SLC25A26: variants seen among roughly 807,000 people sequenced by gnomAD.
SLC25A26 encodes mitochondrial S-adenosylmethionine carrier protein.
A neutral mutation model predicts 37.8 loss-of-function variants in SLC25A26; 36 were observed. That is an observed-to-expected ratio of 0.95 (90% CI 0.73 to 1.26). SLC25A26 has a LOEUF of 1.26. SLC25A26 is among the 50% of genes most tolerant of loss of function. The pLI is 0.00. For synonymous variants in SLC25A26, 129 were observed against 122.5 expected, an observed-to-expected ratio of 1.05 and a Z score of -0.35; for missense variants, 390 against 331.1, an observed-to-expected ratio of 1.18 and a Z score of -1.38.
rs1326507597 is a variant in SLC25A26 at position 66,208,928 on chromosome 3, A to G, written c.-353-11814A>G. 2.4e-5 allele frequency among the ~76,000 whole-genome samples: 3 copies of G among 126,234 alleles called. No homozygotes were observed. In the East Asian group the frequency reaches 7.1e-4, roughly 30 times the overall value. The allele number at this position is 126,234 out of a possible 152,430, so 82.8% of individuals were successfully genotyped here. A position where few individuals can be genotyped will look rare whatever the true frequency, so the allele number is the denominator to read the frequency against. ...TATATATATAAATGTGTATATATAC[A>G]TACACATATATATACATTTATATAT... On this transcript the variant is annotated intron_variant, in intron 1 of 10. Coordinates refer to the SLC25A26 transcript ENST00000676754.
chr3:66,266,204 C>T (rs190049500), intron 5 of SLC25A26, among the ~76,000 whole-genome samples: 271 of 152,218 alleles, frequency 1.8e-3, no homozygotes, highest in Non-Finnish European at 3.3e-3. Context: ...TGCTTTTGTA[C>T]AGATTCTGTG....
chr3:66,279,837 C>G (rs962195130), intron 5 of SLC25A26, among the ~76,000 whole-genome samples: 5 of 152,096 alleles, frequency 3.3e-5, no homozygotes, highest in African/African-American at 9.7e-5. Context: ...GTAAGTCTTT[C>G]CTATTATCAG....
chr3:66,255,110 T>G (rs2073248997), intron 3 of SLC25A26, among the ~76,000 whole-genome samples: 1 of 152,180 alleles, frequency 6.6e-6, no homozygotes, highest in African/African-American at 2.4e-5. Context: ...CCCTTTCAAA[T>G]GTTTAGTTTT....
intron 1 of SLC25A26, among the ~76,000 whole-genome samples, chr3:66,181,468 TA>T (rs2070704749): frequency 6.6e-6 from 1 of 152,222 alleles, no homozygotes; most frequent in South Asian, 2.1e-4. Context: ...AACGGCACCC[TA>T]AAAAATGCTA....
intron 5 of SLC25A26, among the ~76,000 whole-genome samples, chr3:66,266,929 A>T (rs560604747): frequency 7.9e-5 from 12 of 152,338 alleles, no homozygotes; most frequent in African/African-American, 2.6e-4. Flanking sequence ...ATAGAGGAAG[A>T]AAGCAGAGTA....
At chr3:66,375,657 A>C (rs560701035) in intron 9 of SLC25A26, among the ~76,000 whole-genome samples, 23 of 152,292 alleles carry the variant, frequency 1.5e-4, no homozygotes, top group Admixed American at 2.6e-4. Flanking sequence ...GCTTTCTTGA[A>C]TATTTTAAGC....
At chr3:66,272,499 G>C (rs2073992446) in intron 5 of SLC25A26, among the ~76,000 whole-genome samples, 3 of 152,080 alleles carry the variant, frequency 2.0e-5, no homozygotes, top group Admixed American at 2.0e-4. Flanking sequence ...CAAGTGTAAG[G>C]AATCTGTGTT....
At chr3:66,182,236 C>T (rs2106761217) in intron 1 of SLC25A26, among the ~76,000 whole-genome samples, 1 of 152,262 alleles carries the variant, frequency 6.6e-6, no homozygotes, top group South Asian at 2.1e-4. Context: ...GTTTGTTGGG[C>T]TCTCCTAGGG....
intron 5 of SLC25A26, among the ~76,000 whole-genome samples, chr3:66,298,968 C>T (rs1483715573): frequency 2.6e-5 from 4 of 152,148 alleles, no homozygotes; most frequent in Non-Finnish European, 5.9e-5. Context: ...CATAAAAACT[C>T]ACTTGAAGGT....
intron 1 of SLC25A26, among the ~76,000 whole-genome samples, chr3:66,164,896 C>G (rs1331204125): frequency 6.6e-6 from 1 of 152,076 alleles, no homozygotes; most frequent in Non-Finnish European, 1.5e-5. Context: ...GTAATTATAA[C>G]GCAGTGGGAC....
At chr3:66,293,638 G>A (rs868816497) in intron 5 of SLC25A26, among the ~76,000 whole-genome samples, 4 of 152,164 alleles carry the variant, frequency 2.6e-5, no homozygotes, top group Middle Eastern at 6.8e-3. Context: ...AGAACATGTG[G>A]TATTTGGTTT....
intron 1 of SLC25A26, among the ~76,000 whole-genome samples, chr3:66,164,541 C>G (rs149004731): frequency 0.025 from 3,741 of 152,180 alleles, 160 homozygotes; most frequent in African/African-American, 0.085. Context: ...GGGATACCTT[C>G]CCATTCTTAA....
intron 1 of SLC25A26, among the ~76,000 whole-genome samples, chr3:66,163,241 T>C (rs938684751): frequency 3.3e-5 from 5 of 152,242 alleles, no homozygotes; most frequent in Non-Finnish European, 5.9e-5. Context: ...ACGTTCCATA[T>C]GCCACAATCT....
chr3:66,351,392 G>A (rs2076450421), intron 6 of SLC25A26, among the ~76,000 whole-genome samples: 1 of 152,182 alleles, frequency 6.6e-6, no homozygotes, highest in African/African-American at 2.4e-5. Context: ...TCTTAGAGAA[G>A]ATAATTTTCC....
intron 5 of SLC25A26, chr3:66,323,742 G>C (rs1349005485): frequency 6.6e-6 from 1 of 152,248 alleles, no homozygotes; most frequent in African/African-American, 2.4e-5. Context: ...GAGCCTGGGA[G>C]GTCAGGGCTG....
chr3:66,224,012 G>A (rs1049531156), intron 1 of SLC25A26, among the ~76,000 whole-genome samples: 8 of 152,150 alleles, frequency 5.3e-5, no homozygotes, highest in Non-Finnish European at 8.8e-5. Context: ...CCATTTCTTG[G>A]ACTAGTCTGC....
chr3:66,201,588 A>G (rs2071110996), intron 1 of SLC25A26, among the ~76,000 whole-genome samples: 1 of 152,018 alleles, frequency 6.6e-6, no homozygotes, highest in Admixed American at 6.6e-5. Flanking sequence ...TGTCCACTTC[A>G]CCCTCCCAAA....
intron 5 of SLC25A26, among the ~76,000 whole-genome samples, chr3:66,344,441 C>G (rs956167290): frequency 2.0e-5 from 3 of 151,634 alleles, no homozygotes; most frequent in Admixed American, 6.6e-5. Context: ...CCCGCCTGAC[C>G]GACAAAGCAA....
chr3:66,201,094 A>G (rs1348866332), intron 1 of SLC25A26, among the ~76,000 whole-genome samples: 1 of 152,178 alleles, frequency 6.6e-6, no homozygotes, highest in Non-Finnish European at 1.5e-5. Flanking sequence ...TGTCATAATC[A>G]TTGTTTCTTG....
Sources: allele counts gnomAD v4.1 joint callset (sites outside exome capture counted in the v4.1 genomes callset), GRCh38; gene constraint gnomAD v4.1.1; transcripts MANE v1.5; gene names NCBI Gene and HGNC (gene_info 2026-07-23, HGNC 2026-07-21).